The following ZBTB7C variants were observed in gnomAD, a reference collection of about 807,000 sequenced individuals.
ZBTB7C encodes the protein zinc finger and BTB domain-containing protein 7C.
In ZBTB7C, 8 loss-of-function variants were observed where a neutral mutation model predicts 25.7. The ratio of observed to expected loss-of-function variants is 0.31; its 90% confidence interval spans 0.18 to 0.56. The LOEUF is 0.56. Ranked by LOEUF, ZBTB7C falls within the 20% of genes least tolerant of loss-of-function variation. The pLI is 0.91. For missense variants in ZBTB7C, 824 were observed against 855.2 expected (o/e 0.96, Z 0.46); for synonymous variants, 394 against 369.0 (o/e 1.07, Z -0.78).
In ZBTB7C at chr18:48,358,367, A is replaced by G. The variant is rs550940703; in HGVS notation, c.-303-19969T>C. Among the ~76,000 whole-genome samples the G allele has an allele frequency of 2.0e-5, 3 of 151,984 alleles. No individual in the cohort carries two copies. The East Asian group carries it at 5.8e-4, about 29-fold the overall frequency. The stretch of plus-strand genomic sequence containing the variant: ...ACTCCACTTCAAAAAAATAAAGAAA[A>G]AGTATGTGACACCTCTGCCCTGTCT... On this transcript the variant is annotated intron_variant, in intron 1 of 4. Coordinates refer to ENST00000590800, the MANE Select transcript of ZBTB7C (RefSeq NM_001318841.2).
chr18:48,260,414 A>G (rs1415911252), intron 2 of ZBTB7C, among the ~76,000 whole-genome samples: 6 of 152,244 alleles, frequency 3.9e-5, no homozygotes, highest in Admixed American at 6.5e-5. Flanking sequence ...TATGTCTATT[A>G]TTTTGATGTG....
intron 3 of ZBTB7C, among the ~76,000 whole-genome samples, chr18:48,092,878 T>C (rs1161475494): frequency 2.0e-5 from 3 of 152,226 alleles, no homozygotes; most frequent in Non-Finnish European, 4.4e-5. Flanking sequence ...TATCGGTAGA[T>C]AAAGGCTGAT....
upstream of ZBTB7C, among the ~76,000 whole-genome samples, chr18:48,409,792 CTTTCT>C (rs1332592634): frequency 6.6e-6 from 1 of 152,130 alleles, no homozygotes; most frequent in African/African-American, 2.4e-5. Context: ...CGTCTTTTCT[CTTTCT>C]TTCCTTTTTT....
chr18:48,316,159 G>C (rs1359103941), intron 2 of ZBTB7C, among the ~76,000 whole-genome samples: 4 of 152,074 alleles, frequency 2.6e-5, no homozygotes, highest in Admixed American at 2.6e-4. Context: ...CTTCCTTACA[G>C]ACAAAATAGA....
rs1483881998 is a variant in ZBTB7C at position 48,382,605 on chromosome 18, TG to T, written c.-304+26620del. 4.6e-5 allele frequency among the ~76,000 whole-genome samples: 7 copies of T among 152,222 alleles called. No individual in the cohort carries two copies. In the East Asian group the frequency reaches 1.3e-3, roughly 29 times the overall value. ...ATATTTTACTTTTCTCAGTCAACTCTGTATTATTCAAGCCACAAAAGAAGGT... is the reference window on the plus strand; with the variant it reads ...ATATTTTACTTTTCTCAGTCAACTCTTATTATTCAAGCCACAAAAGAAGGT... On this transcript the variant is annotated intron_variant, in intron 1 of 4. Transcript: ENST00000590800.
At chr18:48,163,507 C>T (rs2041141562) in intron 3 of ZBTB7C, among the ~76,000 whole-genome samples, 1 of 152,168 alleles carries the variant, frequency 6.6e-6, no homozygotes, top group African/African-American at 2.4e-5. Flanking sequence ...TGGAGTGGGG[C>T]TTAACAGTGG....
chr18:48,102,473 G>A (rs1025423105), intron 3 of ZBTB7C, among the ~76,000 whole-genome samples: 29 of 151,070 alleles, frequency 1.9e-4, no homozygotes, highest in Admixed American at 2.6e-4. Context: ...GCTGAGGTGG[G>A]AAGATCACTT....
At position 48,184,303 on chromosome 18, in the gene ZBTB7C, G is replaced by C. The variant is rs144072622; in HGVS notation, c.-17+1631C>G. Among the ~76,000 whole-genome samples, 600 of 152,296 alleles carry C rather than the reference G, an allele frequency of 3.9e-3. 2 individuals carry two copies. The highest frequency in any genetic ancestry group is 0.012 in the African/African-American group (494 of 41,574). ...CCCAGGATGAATAAGCAGGAGGCAA[G>C]GGCTGAGCCAAAAGGACCTGTTGCA... On this transcript the variant is annotated intron_variant, in intron 3 of 4. Transcript: ENST00000590800.
intron 1 of ZBTB7C, among the ~76,000 whole-genome samples, chr18:48,391,596 A>C (rs2047904936): frequency 6.6e-6 from 1 of 151,424 alleles, no homozygotes; most frequent in Non-Finnish European, 1.5e-5. Flanking sequence ...CAGTATTCTG[A>C]TCCTCAGCTG....
intron 3 of ZBTB7C, among the ~76,000 whole-genome samples, chr18:48,062,904 A>C (rs1446670094): frequency 6.6e-6 from 1 of 152,256 alleles, no homozygotes; most frequent in Admixed American, 6.5e-5. Context: ...GTCCTGGCAC[A>C]GGGAGCCACA....
chr18:48,281,142 C>A (rs1267605205), intron 2 of ZBTB7C, among the ~76,000 whole-genome samples: 2 of 152,106 alleles, frequency 1.3e-5, no homozygotes, highest in African/African-American at 2.4e-5. Context: ...GCGTGAGCCA[C>A]CATGTCTGGC....
chr18:48,175,556 A>G (rs2145057191), intron 3 of ZBTB7C, among the ~76,000 whole-genome samples: 1 of 152,328 alleles, frequency 6.6e-6, no homozygotes, highest in East Asian at 1.9e-4. Context: ...GTATGGATGC[A>G]TGTATTTCCT....
At chr18:48,209,069 G>A (rs1053762290) in intron 2 of ZBTB7C, among the ~76,000 whole-genome samples, 1 of 152,182 alleles carries the variant, frequency 6.6e-6, no homozygotes, top group African/African-American at 2.4e-5. Context: ...ATATTCCCCT[G>A]GATATATTTA....
chr18:48,278,196 C>T (rs2044724554), intron 2 of ZBTB7C, among the ~76,000 whole-genome samples: 1 of 152,136 alleles, frequency 6.6e-6, no homozygotes, highest in Admixed American at 6.5e-5. Context: ...AGGTTCCTGC[C>T]ACATGCAAAG....
chr18:48,041,236 AG>A, intron 3 of ZBTB7C, 113 bp from the exon 4 acceptor site: 4 of 1,436,426 alleles, frequency 2.8e-6, no homozygotes, highest in Non-Finnish European at 3.6e-6. Flanking sequence ...GTCCACTGCA[AG>A]GCCAGTCCTC....
rs141691672 is a variant in ZBTB7C at position 48,268,254 on chromosome 18, C to T, written c.-79+69920G>A. On this transcript the variant is annotated intron_variant, in intron 2 of 4. Transcript: ENST00000590800. ...TTCATTTATTAATTTATTCACTATA[C>T]AGACATAGAAGACTATGAAAGAAAA... Among the ~76,000 whole-genome samples the T allele has an allele frequency of 4.6e-3, 695 of 152,266 alleles. 2 individuals are homozygous for T. The highest frequency in any genetic ancestry group is 0.016 in the African/African-American group (659 of 41,564).
intron 2 of ZBTB7C, among the ~76,000 whole-genome samples, chr18:48,188,793 A>G (rs2042124896): frequency 6.6e-6 from 1 of 151,752 alleles, no homozygotes; most frequent in Non-Finnish European, 1.5e-5. Flanking sequence ...CATTGTTACC[A>G]TTTGTTCACC....
intron 3 of ZBTB7C, among the ~76,000 whole-genome samples, chr18:48,056,284 A>G (rs572944449): frequency 6.6e-6 from 1 of 152,368 alleles, no homozygotes; most frequent in South Asian, 2.1e-4. Context: ...CCACAATACC[A>G]TAAAGATGCC....
intron 1 of ZBTB7C, among the ~76,000 whole-genome samples, chr18:48,377,322 G>A (rs1300867681): frequency 6.6e-6 from 1 of 152,222 alleles, no homozygotes; most frequent in African/African-American, 2.4e-5. Context: ...GGAGAGAGCT[G>A]TACGAATTAT....
Sources: gnomAD v4.1 joint callset for allele counts (sites outside exome capture counted in the v4.1 genomes callset) on GRCh38, gnomAD v4.1.1 for gene constraint, MANE v1.5 for transcripts, NCBI Gene and HGNC (gene_info 2026-07-23, HGNC 2026-07-21) for gene names.